RFX7: variants seen among roughly 807,000 people sequenced by gnomAD.
RFX7 encodes regulatory factor X7, also known as DNA-binding protein RFX7.
RFX7 carries 26 observed loss-of-function variants against 111.8 expected under a neutral mutation model. The observed-to-expected ratio is 0.23, with a 90% CI of 0.17 to 0.32. The LOEUF is 0.32. Ranked by LOEUF, RFX7 falls within the 10% of genes least tolerant of loss-of-function variation. RFX7 has a pLI of 1.00. For missense variants in RFX7, 1,573 were observed against 1,772.9 expected (o/e 0.89, Z 2.02); for synonymous variants, 624 against 624.4 (o/e 1.00, Z 0.01).
intron 5 of RFX7, among the ~76,000 whole-genome samples, chr15:56,125,610 A>AGT (rs10564650): frequency 0.16 from 22,756 of 146,756 alleles, 1,711 homozygotes; most frequent in Admixed American, 0.18. Flanking sequence ...TGTGTGTGTG[A>AGT]GTGTGTGTGT....
At position 56,094,349 on chromosome 15, in the gene RFX7, C is replaced by G. The variant is rs772585104; in HGVS notation, c.3379G>C (p.Val1127Leu). ...HFGRLTPVSP[V>L]QHQGATVNNT... ...TTTACAGTGGCACCTTGATGCTGCACAGGAGAGACAGGAGTCAAACGACCA... is the reference window on the plus strand; with the variant it reads ...TTTACAGTGGCACCTTGATGCTGCAGAGGAGAGACAGGAGTCAAACGACCA... The change falls in exon 10 of 10, where the codon GTG (valine) becomes CTG (leucine). Residue 1127 changes from valine to leucine, a missense_variant. Val to Leu is a conservative substitution (Grantham distance 32, BLOSUM62 1). Coordinates refer to ENST00000559447, the MANE Select transcript of RFX7 (RefSeq NM_022841.7). 1.2e-5 allele frequency: 19 copies of G among 1,613,828 alleles called. No individual in the cohort carries two copies. Among genetic ancestry groups the G allele is most frequent in the Admixed American group, 6.7e-5 (4 of 59,982 alleles).
At chr15:56,174,438 T>C (rs145535639) in intron 3 of RFX7, among the ~76,000 whole-genome samples, 1 of 152,060 alleles carries the variant, frequency 6.6e-6, no homozygotes, top group East Asian at 1.9e-4. Context: ...ATAGAAAAAT[T>C]GTTGGATAAA....
intron 2 of RFX7, among the ~76,000 whole-genome samples, chr15:56,227,689 C>T (rs1488749753): frequency 6.6e-6 from 1 of 152,124 alleles, no homozygotes; most frequent in African/African-American, 2.4e-5. Flanking sequence ...ATTCATTTCG[C>T]TTATCCATGA....
At chr15:56,235,687 T>A (rs1405015289) in intron 2 of RFX7, among the ~76,000 whole-genome samples, 1 of 152,162 alleles carries the variant, frequency 6.6e-6, no homozygotes, top group Non-Finnish European at 1.5e-5. Context: ...GGGTGGCAAT[T>A]ATAGGGCATG....
At chr15:56,226,246 A>C (rs1596022415) in intron 2 of RFX7, among the ~76,000 whole-genome samples, 2 of 152,318 alleles carry the variant, frequency 1.3e-5, no homozygotes, top group East Asian at 3.9e-4. Context: ...CAAGCTTTAA[A>C]GGAGATGTAA....
intron 2 of RFX7, among the ~76,000 whole-genome samples, chr15:56,181,790 C>G (rs2042976406): frequency 6.7e-6 from 1 of 149,742 alleles, no homozygotes; most frequent in Non-Finnish European, 1.5e-5. Flanking sequence ...TGGTAAACCT[C>G]TAAAAAATAT....
chr15:56,097,745 T>TCAAAAAAA, intron 9 of RFX7, among the ~76,000 whole-genome samples: 1 of 2,436 alleles, frequency 4.1e-4, no homozygotes, highest in Non-Finnish European at 8.7e-4. Flanking sequence ...AGACTCTGTC[T>TCAAAAAAA]CAAAAAAAAA....
At position 56,113,736 on chromosome 15, in the gene RFX7, A is replaced by G. The variant is rs1399827896; in HGVS notation, c.402-10066T>C. On this transcript the variant is annotated intron_variant, in intron 5 of 9. Transcript: ENST00000559447. ...AAATTACATCATTAAATTTTTTCCTAATATTTATAAAAATAATTAAGAATT... is the reference window on the plus strand; with the variant it reads ...AAATTACATCATTAAATTTTTTCCTGATATTTATAAAAATAATTAAGAATT... Among the ~76,000 whole-genome samples the G allele has an allele frequency of 2.6e-5, 4 of 152,114 alleles. No homozygotes were observed. In the South Asian group the frequency reaches 8.3e-4, roughly 32 times the overall value.
chr15:56,147,234 T>C (rs774412130), intron 3 of RFX7, among the ~76,000 whole-genome samples: 15 of 152,236 alleles, frequency 9.9e-5, no homozygotes, highest in South Asian at 2.1e-4. Flanking sequence ...TCATAAACTT[T>C]AAAAATTATA....
intron 2 of RFX7, among the ~76,000 whole-genome samples, chr15:56,187,169 T>G (rs1180967622): frequency 6.6e-6 from 1 of 151,320 alleles, no homozygotes; most frequent in Non-Finnish European, 1.5e-5. Context: ...AGGAAGCAAC[T>G]GGAAGGAAGT....
intron 2 of RFX7, among the ~76,000 whole-genome samples, chr15:56,182,059 C>CCA (rs1304833874): frequency 6.6e-6 from 1 of 151,980 alleles, no homozygotes; most frequent in Non-Finnish European, 1.5e-5. Flanking sequence ...CCAGAAGAGA[C>CCA]CACTATCTAG....
chr15:56,238,211 G>A (rs1230000470), intron 2 of RFX7, among the ~76,000 whole-genome samples: 2 of 152,072 alleles, frequency 1.3e-5, no homozygotes, highest in Non-Finnish European at 2.9e-5. Flanking sequence ...AACTAATATG[G>A]CATCACTATG....
At position 56,098,340 on chromosome 15, in the gene RFX7, G is replaced by A. The variant is rs1237939732; in HGVS notation, c.848C>T (p.Pro283Leu). Reference sequence around the variant, plus strand: ...CTGAAAGGAATTACTTTCAGCTGTAGGTATAAAAGCAGAAGGCTGGGTAAT... The same window carrying A: ...CTGAAAGGAATTACTTTCAGCTGTAAGTATAAAAGCAGAAGGCTGGGTAAT... ...KGITQPSAFI[P>L]TAESNSFQPQ... The change falls in exon 9 of 10, where the codon CCT (proline) becomes CTT (leucine). Residue 283 changes from proline (P) to leucine (L), a missense_variant. This residue lies in a region of RFX7 where 288 missense variants were observed against 337.9 expected (regional missense o/e 0.85). Transcript: ENST00000559447. 6.2e-7 allele frequency: 1 copy of A among 1,609,698 alleles called. No homozygotes were observed. The highest frequency in any genetic ancestry group is 1.7e-5 in the Admixed American group (1 of 59,224).
intron 5 of RFX7, among the ~76,000 whole-genome samples, chr15:56,137,078 T>A (rs1381422083): frequency 1.3e-5 from 2 of 152,214 alleles, no homozygotes; most frequent in African/African-American, 4.8e-5. Flanking sequence ...CTAAAATTCT[T>A]TTTTTGTTAT....
At position 56,243,818 on chromosome 15, in the gene RFX7, C is replaced by CCCG. The variant is rs1230232585; in HGVS notation, c.-379_-377dup. Among the ~76,000 whole-genome samples the CCCG allele has an allele frequency of 4.1e-5, 6 of 147,266 alleles. No individual in the cohort carries two copies. Among genetic ancestry groups the CCCG allele is most frequent in the African/African-American group, 4.9e-5 (2 of 40,904 alleles). ...GCCGCCGCCGCCGCTCGCTCCCGGC[C>CCCG]CCGCCGCCGCCGCGGCCGCCGCTGC... is the stretch of plus-strand genomic sequence containing the variant. On this transcript the variant is annotated 5_prime_UTR_variant, in exon 1 of 10. Coordinates refer to ENST00000559447, the MANE Select transcript of RFX7 (RefSeq NM_022841.7).
At chr15:56,118,879 A>C (rs1207226439) in intron 5 of RFX7, among the ~76,000 whole-genome samples, 1 of 152,174 alleles carries the variant, frequency 6.6e-6, no homozygotes, top group East Asian at 1.9e-4. Flanking sequence ...CTTTTTGATA[A>C]AAGTCATTTG....
At chr15:56,230,583 G>A (rs1010909697) in intron 2 of RFX7, among the ~76,000 whole-genome samples, 6 of 152,138 alleles carry the variant, frequency 3.9e-5, no homozygotes, top group African/African-American at 1.4e-4. Context: ...ATATTCACTA[G>A]TACCTACCAC....
chr15:56,157,119 A>C (rs926898793), intron 3 of RFX7, among the ~76,000 whole-genome samples: 1 of 152,232 alleles, frequency 6.6e-6, no homozygotes, highest in Non-Finnish European at 1.5e-5. Flanking sequence ...CTAATCCTCT[A>C]GTGGTTGAAA....
chr15:56,130,350 C>T (rs934135586), intron 5 of RFX7, among the ~76,000 whole-genome samples: 1 of 151,904 alleles, frequency 6.6e-6, no homozygotes, highest in Non-Finnish European at 1.5e-5. Context: ...TCTCTGACCA[C>T]AATTTAATAA....
Sources: gnomAD v4.1 joint callset for allele counts (sites outside exome capture counted in the v4.1 genomes callset) on GRCh38, gnomAD v4.1.1 for gene constraint, gnomAD v4.1.1 regional missense constraint, MANE v1.5 for transcripts, NCBI Gene and HGNC (gene_info 2026-07-23, HGNC 2026-07-21) for gene names.